TRPS1: variants seen among roughly 807,000 people sequenced by gnomAD.
TRPS1 encodes the protein zinc finger transcription factor Trps1.
A neutral mutation model predicts 101.2 loss-of-function variants in TRPS1; 6 were observed. The ratio of observed to expected loss-of-function variants is 0.06; its 90% CI spans 0.03 to 0.12. The LOEUF is 0.12. Among genes scored for constraint, TRPS1 ranks in the 10% least tolerant of loss-of-function variants. TRPS1 has a pLI of 1.00. For missense variants in TRPS1, 1,363 were observed against 1,567.0 expected, an observed-to-expected ratio of 0.87 and a Z score of 2.20; for synonymous variants, 578 against 589.8, an observed-to-expected ratio of 0.98 and a Z score of 0.29.
At chr8:115,621,277 T>C (rs894082155) in intron 2 of TRPS1, among the ~76,000 whole-genome samples, 12 of 152,206 alleles carry the variant, frequency 7.9e-5, no homozygotes, top group Non-Finnish European at 1.6e-4. Context: ...CAAATGTCTC[T>C]TGGAAAATTC....
intron 1 of TRPS1, among the ~76,000 whole-genome samples, chr8:115,628,986 C>T (rs149392385): frequency 6.6e-6 from 1 of 151,950 alleles, no homozygotes; most frequent in East Asian, 1.9e-4. Context: ...TGTGTCCAAT[C>T]TAGACTGAAA....
Position 115,409,039 on chromosome 8 carries a change from G to A in TRPS1, c.*4984C>T, listed in dbSNP as rs1450823994. The A allele has an allele frequency of 2.0e-5, 3 of 151,912 alleles. No homozygotes were observed. Among genetic ancestry groups the A allele is most frequent in the East Asian group, 3.9e-4 (2 of 5,150 alleles). 9.4% of individuals were successfully genotyped at this position (151,912 alleles called of 1,614,324 possible). On this transcript the variant is annotated 3_prime_UTR_variant, in exon 7 of 7. Coordinates refer to ENST00000395715, the MANE Select transcript of TRPS1 (RefSeq NM_014112.5). The stretch of plus-strand genomic sequence containing the variant: ...AGAAAAATGACCCCAACCTTTCCTG[G>A]CCTTTGGGAACTGACAGTTTAAATA...
chr8:115,457,688 C>CAAAAA (rs753593246), intron 5 of TRPS1, among the ~76,000 whole-genome samples: 5 of 151,960 alleles, frequency 3.3e-5, no homozygotes, highest in East Asian at 1.9e-4. Context: ...GTTAAAAAAG[C>CAAAAA]AAAACAAAAA....
chr8:115,647,359 A>G (rs949026731), intron 1 of TRPS1, among the ~76,000 whole-genome samples: 2 of 152,218 alleles, frequency 1.3e-5, no homozygotes, highest in African/African-American at 4.8e-5. Flanking sequence ...TTGATGATGT[A>G]AAGAAGGCAA....
At chr8:115,580,325 C>T (rs568505797) in intron 5 of TRPS1, among the ~76,000 whole-genome samples, 132 of 150,340 alleles carry the variant, frequency 8.8e-4, no homozygotes, top group South Asian at 2.7e-3. Flanking sequence ...CCCAAAAATC[C>T]AAAATAAAAC....
chr8:115,474,114 G>T (rs887842283), intron 5 of TRPS1, among the ~76,000 whole-genome samples: 2 of 152,072 alleles, frequency 1.3e-5, no homozygotes, highest in African/African-American at 4.8e-5. Flanking sequence ...AGAAACCAGG[G>T]AACATTCCTT....
At chr8:115,549,658 T>C (rs1239875770) in intron 5 of TRPS1, among the ~76,000 whole-genome samples, 3 of 145,532 alleles carry the variant, frequency 2.1e-5, no homozygotes, top group African/African-American at 5.1e-5. Flanking sequence ...GCTTCTCTAC[T>C]ATAATACTCT....
chr8:115,634,429 T>C (rs1818720783), intron 1 of TRPS1, among the ~76,000 whole-genome samples: 1 of 152,196 alleles, frequency 6.6e-6, no homozygotes. Context: ...AGCAACATAA[T>C]ACCCAAGAAA....
chr8:115,478,246 T>C (rs1485082310), intron 5 of TRPS1, among the ~76,000 whole-genome samples: 1 of 152,352 alleles, frequency 6.6e-6, no homozygotes, highest in East Asian at 1.9e-4. Context: ...TTATATTCCT[T>C]TTCTCAATAG....
At chr8:115,416,841 C>A (rs569393603) in intron 6 of TRPS1, among the ~76,000 whole-genome samples, 3 of 151,972 alleles carry the variant, frequency 2.0e-5, no homozygotes, top group African/African-American at 7.2e-5. Flanking sequence ...CTCAGAATAT[C>A]CAGGTTTACA....
In TRPS1 at chr8:115,603,922, T is replaced by C; in HGVS notation, c.2047A>G (p.Lys683Glu). 6.2e-7 allele frequency: 1 copy of C among 1,614,018 alleles called. No individual in the cohort carries two copies. Among genetic ancestry groups the C allele is most frequent in the Non-Finnish European group, 8.5e-7 (1 of 1,179,950 alleles). The change falls in exon 4 of 7, where the codon AAA becomes GAA. Residue 683 changes from lysine to glutamate, a missense_variant. Physicochemically the swap from Lys to Glu is moderately conservative, Grantham distance 56. This residue lies in a region of TRPS1 where 1,020 missense variants were observed against 1,073.0 expected (regional missense o/e 0.95). Coordinates refer to ENST00000395715, the MANE Select transcript of TRPS1 (RefSeq NM_014112.5). ...VKESKEHSCT[K>E]CDFITQVEEE... Reference sequence around the variant, plus strand: ...TCCACTTGGGTAATAAAATCACATTTGGTACATGAGTGTTCTTTGCTTTCC... The same window carrying C: ...TCCACTTGGGTAATAAAATCACATTCGGTACATGAGTGTTCTTTGCTTTCC...
intron 5 of TRPS1, among the ~76,000 whole-genome samples, chr8:115,485,440 C>A (rs1814854960): frequency 6.6e-6 from 1 of 152,296 alleles, no homozygotes; most frequent in Admixed American, 6.5e-5. Flanking sequence ...TCCTGCCCTA[C>A]AAAAAACTGT....
intron 1 of TRPS1, among the ~76,000 whole-genome samples, chr8:115,653,882 T>C (rs1452639655): frequency 2.0e-5 from 3 of 152,236 alleles, no homozygotes; most frequent in East Asian, 3.8e-4. Flanking sequence ...AAGACACTTC[T>C]GGAGCTATGC....
chr8:115,641,309 C>T (rs2737235), intron 1 of TRPS1, among the ~76,000 whole-genome samples: 14 of 152,168 alleles, frequency 9.2e-5, no homozygotes, highest in African/African-American at 3.1e-4. Flanking sequence ...TAGAAACTGC[C>T]GCATTGTTTC....
rs1812788832 is a variant in TRPS1 at position 115,411,514 on chromosome 8, A to C, written c.*2509T>G. 1.3e-5 allele frequency: 2 copies of C among 152,460 alleles called. No homozygotes were observed. The highest frequency in any genetic ancestry group is 2.9e-5 in the Non-Finnish European group (2 of 67,966). 9.4% of individuals were successfully genotyped at this position (152,460 alleles called of 1,614,324 possible). On this transcript the variant is annotated 3_prime_UTR_variant, in exon 7 of 7. Transcript: ENST00000395715. ...CATTCTGTTATTCTTTTTACTAAGA[A>C]AATTAAATATTGTTGTTTGGGGGAA...
In TRPS1 at chr8:115,414,283, G is replaced by A; in HGVS notation, c.3625C>T (p.Pro1209Ser). The A allele has an allele frequency of 6.2e-7, 1 of 1,613,922 alleles. No individual in the cohort carries two copies. The highest frequency in any genetic ancestry group is 1.3e-5 in the African/African-American group (1 of 75,000). ...TTCTCTGTTTTTACTACATTCAAGG[G>A]ACCTTCATTTTTTACATTTGGTGGT... ...KAPPNVKNEG[P>S]LNVVKTEKVD... Residue 1209 changes from proline (P) to serine (S), a missense_variant, in exon 7 of 7, where the codon CCC (proline) becomes TCC (serine). By Grantham distance (74) the Pro-to-Ser change is moderately conservative (BLOSUM62 -1). Transcript: ENST00000395715. The surrounding 1 kb of genome is among the most constrained non-coding windows in gnomAD (Gnocchi z 4.8).
At chr8:115,494,008 C>T (rs1011772312) in intron 5 of TRPS1, among the ~76,000 whole-genome samples, 5 of 152,116 alleles carry the variant, frequency 3.3e-5, no homozygotes, top group Admixed American at 1.3e-4. Context: ...AAAATATATT[C>T]GATCATTTCA....
chr8:115,594,793 G>GA (rs993227874), intron 4 of TRPS1, among the ~76,000 whole-genome samples: 5 of 151,710 alleles, frequency 3.3e-5, no homozygotes, highest in African/African-American at 9.7e-5. Context: ...AATGCTTCTA[G>GA]AAAAAAATCA....
intron 1 of TRPS1, among the ~76,000 whole-genome samples, chr8:115,660,820 T>G (rs1330915244): frequency 6.6e-6 from 1 of 151,994 alleles, no homozygotes; most frequent in Non-Finnish European, 1.5e-5. Flanking sequence ...TTACCCTAGA[T>G]ACCAAAGTTG....
Sources: gnomAD v4.1 joint callset for allele counts (sites outside exome capture counted in the v4.1 genomes callset) on GRCh38, gnomAD v4.1.1 for gene constraint, gnomAD v4.1.1 regional missense constraint, Gnocchi (gnomAD v3.1) non-coding constraint, MANE v1.5 for transcripts, NCBI Gene and HGNC (gene_info 2026-07-23, HGNC 2026-07-21) for gene names.